Variants in MAP7 observed in about 807,000 individuals in gnomAD.
The protein encoded by MAP7 is microtubule associated protein 7, also known as ensconsin.
Under a neutral mutation model 94.8 loss-of-function variants are expected in MAP7, and 52 were observed. The ratio of observed to expected loss-of-function variants is 0.55; its 90% CI spans 0.44 to 0.69. The LOEUF (loss-of-function observed/expected upper bound fraction) is 0.69, where lower values mean the gene tolerates loss of function less well. Ranked by LOEUF, MAP7 falls within the 30% of genes least tolerant of loss-of-function variation. MAP7 has a pLI of 0.00. For synonymous variants in MAP7, 350 were observed against 357.0 expected, an observed-to-expected ratio of 0.98 and a Z score of 0.22; for missense variants, 940 against 964.6, an observed-to-expected ratio of 0.97 and a Z score of 0.34.
At chr6:136,453,123 T>A (rs1322962428) in intron 1 of MAP7, among the ~76,000 whole-genome samples, 1 of 152,244 alleles carries the variant, frequency 6.6e-6, no homozygotes, top group Non-Finnish European at 1.5e-5. Flanking sequence ...GTTAGTTTTC[T>A]TTTGTTAATC....
chr6:136,410,762 G>C lies in MAP7; in HGVS notation c.244+858C>G, dbSNP rs545789319. Among the ~76,000 whole-genome samples, 5 of 152,294 alleles carry C rather than the reference G, an allele frequency of 3.3e-5. No individual in the cohort carries two copies. The East Asian group carries it at 9.6e-4, about 29-fold the overall frequency. On this transcript the variant is annotated intron_variant, in intron 3 of 17. Coordinates refer to ENST00000354570, the MANE Select transcript of MAP7 (RefSeq NM_003980.6). ...TGGAATAAGAATAATAAAGGGATGAGATATAGGGGCAGAGTCCCCAGTTGA... is the reference window on the plus strand; with the variant it reads ...TGGAATAAGAATAATAAAGGGATGACATATAGGGGCAGAGTCCCCAGTTGA...
chr6:136,395,136 A>C, intron 3 of MAP7, among the ~76,000 whole-genome samples: 1 of 150,840 alleles, frequency 6.6e-6, no homozygotes. Context: ...TTTTTTGAGG[A>C]GCTTCCATAC....
intron 2 of MAP7, among the ~76,000 whole-genome samples, chr6:136,417,167 A>G (rs371468535): frequency 1.3e-5 from 2 of 152,300 alleles, no homozygotes; most frequent in East Asian, 3.9e-4. Context: ...CAATGGATCT[A>G]ATATGGTTAG....
chr6:136,394,945 T>C (rs1781938288), intron 3 of MAP7, among the ~76,000 whole-genome samples: 1 of 102,016 alleles, frequency 9.8e-6, no homozygotes, highest in Non-Finnish European at 1.9e-5. Flanking sequence ...TATATATATA[T>C]ATATATATAT....
chr6:136,426,794 G>A (rs1002470326), intron 1 of MAP7, among the ~76,000 whole-genome samples: 5 of 152,196 alleles, frequency 3.3e-5, no homozygotes, highest in African/African-American at 1.2e-4. Flanking sequence ...TTCTGAGAGT[G>A]TGGACTTTCT....
At chr6:136,404,980 T>A (rs1234504860) in intron 3 of MAP7, among the ~76,000 whole-genome samples, 2 of 152,228 alleles carry the variant, frequency 1.3e-5, no homozygotes, top group African/African-American at 2.4e-5. Flanking sequence ...TTAAGGACTA[T>A]CCTAATAGAT....
intron 1 of MAP7, among the ~76,000 whole-genome samples, chr6:136,548,488 C>T (rs1829900443): frequency 6.6e-6 from 1 of 151,930 alleles, no homozygotes; most frequent in African/African-American, 2.4e-5. Context: ...TTATTCAAGA[C>T]CATATATAAA....
At chr6:136,404,029 A>G (rs1009237783) in intron 3 of MAP7, among the ~76,000 whole-genome samples, 1 of 152,174 alleles carries the variant, frequency 6.6e-6, no homozygotes, top group African/African-American at 2.4e-5. Context: ...TAGAAAGATT[A>G]CTTCCCTAAA....
intron 1 of MAP7, among the ~76,000 whole-genome samples, chr6:136,427,041 C>T (rs999384884): frequency 6.6e-6 from 1 of 152,240 alleles, no homozygotes; most frequent in African/African-American, 2.4e-5. Flanking sequence ...CTTCCACTTA[C>T]CCGTATCGTG....
intron 10 of MAP7, chr6:136,364,392 A>G: frequency 2.9e-6 from 1 of 349,594 alleles, no homozygotes; most frequent in South Asian, 2.5e-5. Flanking sequence ...AGCTGAGGAG[A>G]AGAAATAGAA....
At chr6:136,363,532 A>T (rs1247161454) in intron 10 of MAP7, among the ~76,000 whole-genome samples, 1 of 152,224 alleles carries the variant, frequency 6.6e-6, no homozygotes, top group Non-Finnish European at 1.5e-5. Flanking sequence ...CATGGAAACA[A>T]ATACTGGACT....
chr6:136,375,632 T>C (rs1775887573), intron 7 of MAP7, among the ~76,000 whole-genome samples: 1 of 152,204 alleles, frequency 6.6e-6, no homozygotes, highest in Non-Finnish European at 1.5e-5. Flanking sequence ...TATATACTTC[T>C]AAATGAAAAT....
chr6:136,538,896 A>C (rs1829095210), intron 1 of MAP7, among the ~76,000 whole-genome samples: 1 of 151,912 alleles, frequency 6.6e-6, no homozygotes, highest in Non-Finnish European at 1.5e-5. Flanking sequence ...AGTGTACAGC[A>C]ACCTCCTGGA....
At chr6:136,350,272 T>C (rs375702886) in intron 16 of MAP7, among the ~76,000 whole-genome samples, 3 of 152,146 alleles carry the variant, frequency 2.0e-5, no homozygotes, top group South Asian at 4.1e-4. Context: ...ATAACTCTAC[T>C]TGAGGTGCAA....
At chr6:136,539,170 G>C (rs1247096083) in intron 1 of MAP7, among the ~76,000 whole-genome samples, 1 of 152,176 alleles carries the variant, frequency 6.6e-6, no homozygotes, top group Non-Finnish European at 1.5e-5. Flanking sequence ...AACACTTGGT[G>C]CCTATGCTGT....
rs201625272 is a variant in MAP7, at chr6:136,378,184, GTATATC to G, written c.638-322_638-317del. Among the ~76,000 whole-genome samples the G allele has an allele frequency of 5.7e-3, 861 of 152,320 alleles. 14 individuals are homozygous for G. Among genetic ancestry groups the G allele is most frequent in the African/African-American group, 0.019 (800 of 41,570 alleles). On this transcript the variant is annotated intron_variant, in intron 6 of 17. Transcript: ENST00000354570. ...ATACCATTTCAGCTATTGTTTTGGT[GTATATC>G]TATAACTCCAGAGTGGTACTGTCTG...
intron 6 of MAP7, among the ~76,000 whole-genome samples, chr6:136,381,582 A>C (rs1582737839): frequency 6.6e-6 from 1 of 152,124 alleles, no homozygotes; most frequent in African/African-American, 2.4e-5. Flanking sequence ...GGCTTTGCTT[A>C]AGTTAAAAAG....
chr6:136,449,035 A>G (rs1039936994), intron 1 of MAP7, among the ~76,000 whole-genome samples: 1 of 148,458 alleles, frequency 6.7e-6, no homozygotes, highest in African/African-American at 2.5e-5. Flanking sequence ...CAAGCCAGGC[A>G]CAGTGGCTCA....
intron 2 of MAP7, among the ~76,000 whole-genome samples, chr6:136,415,430 C>A (rs1200630138): frequency 6.6e-6 from 1 of 152,068 alleles, no homozygotes; most frequent in Non-Finnish European, 1.5e-5. Flanking sequence ...AAGTACATGC[C>A]AAATTTCATA....
Sources: allele counts gnomAD v4.1 joint callset (sites outside exome capture counted in the v4.1 genomes callset), GRCh38; gene constraint gnomAD v4.1.1; transcripts MANE v1.5; gene names NCBI Gene and HGNC (gene_info 2026-07-23, HGNC 2026-07-21).